TMEM178A: variants seen among roughly 807,000 people sequenced by gnomAD.
TMEM178A encodes the protein transmembrane protein 178.
Under a neutral mutation model 29.1 loss-of-function variants are expected in TMEM178A, and 12 were observed. The ratio of observed to expected loss-of-function variants is 0.41; its 90% CI spans 0.26 to 0.67. The LOEUF (loss-of-function observed/expected upper bound fraction) is 0.67. TMEM178A is among the 30% of genes least tolerant of loss of function. The pLI, the probability that TMEM178A is intolerant of heterozygous loss-of-function variation, is 0.29. For synonymous variants in TMEM178A, 210 were observed against 187.2 expected (o/e 1.12, Z -0.99); for missense variants, 366 against 419.1 (o/e 0.87, Z 1.11).
Position 39,717,311 on chromosome 2 carries a change from C to T in TMEM178A, c.*60C>T. On this transcript the variant is annotated 3_prime_UTR_variant, in exon 4 of 4. Coordinates refer to ENST00000281961, the MANE Select transcript of TMEM178A (RefSeq NM_152390.3). ...CTCCTGAGGGGAACAGCGCGGAGTTCAGGAGTCCAAGCACAAAGCGGTCTT... is the reference window on the plus strand; with the variant it reads ...CTCCTGAGGGGAACAGCGCGGAGTTTAGGAGTCCAAGCACAAAGCGGTCTT... 6.4e-7 allele frequency: 1 copy of T among 1,557,912 alleles called. No individual in the cohort carries two copies. The highest frequency in any genetic ancestry group is 2.3e-5 in the East Asian group (1 of 44,162).
rs558169343 is a variant in TMEM178A, at chr2:39,669,272, G to A, written c.400+2898G>A. Among the ~76,000 whole-genome samples, 77 of 152,268 alleles carry A rather than the reference G, an allele frequency of 5.1e-4. 1 individual carries two copies. Among genetic ancestry groups the A allele is most frequent in the Middle Eastern group, 6.8e-3 (2 of 294 alleles). On this transcript the variant is annotated intron_variant, in intron 1 of 3. Coordinates refer to ENST00000281961, the MANE Select transcript of TMEM178A (RefSeq NM_152390.3). ...CTAGGAGTTGAATGAGGAGTGCAGG[G>A]AAGAAAATGTAGAGTTGATAATATG...
Position 39,709,206 on chromosome 2 carries a change from C to T in TMEM178A, c.652+2020C>T, listed in dbSNP as rs184262171. Among the ~76,000 whole-genome samples the T allele has an allele frequency of 1.2e-4, 19 of 152,320 alleles. No individual in the cohort carries two copies. In the East Asian group the frequency reaches 1.5e-3, roughly 12 times the overall value. The stretch of plus-strand genomic sequence containing the variant: ...GTACTTTGCCCTCTGGCATGTTCAA[C>T]CACCCTGCAGCCTTAAGGAACCCAC... On this transcript the variant is annotated intron_variant, in intron 3 of 3. Transcript: ENST00000281961.
intron 1 of TMEM178A, among the ~76,000 whole-genome samples, chr2:39,670,759 T>C (rs1215289786): frequency 6.6e-6 from 1 of 152,226 alleles, no homozygotes; most frequent in Non-Finnish European, 1.5e-5. Flanking sequence ...TGTAGAACTT[T>C]GGAGAAATCA....
At chr2:39,721,881 C>G (rs1672712097), downstream of TMEM178A, among the ~76,000 whole-genome samples, 1 of 148,178 alleles carries the variant, frequency 6.7e-6, no homozygotes, top group Non-Finnish European at 1.5e-5. Flanking sequence ...GGCTTAGCTA[C>G]TCGGCAGGCT....
intron 2 of TMEM178A, among the ~76,000 whole-genome samples, chr2:39,705,640 C>G (rs1422020930): frequency 6.6e-6 from 1 of 152,170 alleles, no homozygotes; most frequent in Non-Finnish European, 1.5e-5. Context: ...AGAAATCCCT[C>G]TTTAAAAAAG....
At chr2:39,735,742 G>A in the TMEM178A span, among the ~76,000 whole-genome samples, 7 of 152,356 alleles carry the variant, frequency 4.6e-5, no homozygotes, top group South Asian at 1.4e-3. Context: ...TTCCTAGGAA[G>A]GCCAGAGAGA....
the TMEM178A span, among the ~76,000 whole-genome samples, chr2:39,730,417 G>A: frequency 3.9e-5 from 6 of 152,212 alleles, no homozygotes; most frequent in Non-Finnish European, 8.8e-5. Flanking sequence ...CATATCATGT[G>A]TCCCCAAGAT....
intron 1 of TMEM178A, among the ~76,000 whole-genome samples, chr2:39,691,527 A>G (rs1452858145): frequency 2.0e-5 from 3 of 152,254 alleles, no homozygotes; most frequent in Non-Finnish European, 2.9e-5. Flanking sequence ...ACCGTGGTAC[A>G]CTGCTAGTGG....
the TMEM178A span, among the ~76,000 whole-genome samples, chr2:39,725,507 A>G: frequency 1.3e-5 from 2 of 152,034 alleles, no homozygotes; most frequent in Non-Finnish European, 2.9e-5. Context: ...CCTTTTGACA[A>G]TGGAATGCAT....
At chr2:39,733,911 C>A in the TMEM178A span, among the ~76,000 whole-genome samples, 2 of 152,106 alleles carry the variant, frequency 1.3e-5, no homozygotes, top group African/African-American at 4.8e-5. Flanking sequence ...TGCATTTTAT[C>A]CCCTTATTCA....
At chr2:39,665,530 T>A (rs1366792562), upstream of TMEM178A, 1 of 155,682 alleles carries the variant, frequency 6.4e-6, no homozygotes, top group Non-Finnish European at 1.4e-5. Context: ...TGGAGAAAAG[T>A]CGGGGGAAAG....
At chr2:39,680,770 C>A (rs1670834714) in intron 1 of TMEM178A, among the ~76,000 whole-genome samples, 1 of 151,924 alleles carries the variant, frequency 6.6e-6, no homozygotes, top group South Asian at 2.1e-4. Context: ...TTTGTTTCAA[C>A]AGGAAAAACA....
At chr2:39,683,416 C>G (rs923357251) in intron 1 of TMEM178A, among the ~76,000 whole-genome samples, 1 of 152,192 alleles carries the variant, frequency 6.6e-6, no homozygotes, top group Non-Finnish European at 1.5e-5. Flanking sequence ...ACATGGGGCT[C>G]TCCTTTGCTG....
At chr2:39,725,174 T>C in the TMEM178A span, among the ~76,000 whole-genome samples, 1 of 152,114 alleles carries the variant, frequency 6.6e-6, no homozygotes, top group Non-Finnish European at 1.5e-5. Flanking sequence ...GGGACAGCCA[T>C]GTAGAGCCAT....
At chr2:39,727,552 C>T in the TMEM178A span, among the ~76,000 whole-genome samples, 1 of 152,118 alleles carries the variant, frequency 6.6e-6, no homozygotes, top group Non-Finnish European at 1.5e-5. Context: ...TATTTTGAAT[C>T]CCTGAGACTT....
intron 1 of TMEM178A, among the ~76,000 whole-genome samples, chr2:39,698,965 T>C (rs1671668910): frequency 6.6e-6 from 1 of 152,170 alleles, no homozygotes; most frequent in South Asian, 2.1e-4. Context: ...TTTCACTGTG[T>C]TCTCTTAAGC....
At chr2:39,726,500 C>T in the TMEM178A span, among the ~76,000 whole-genome samples, 14 of 152,118 alleles carry the variant, frequency 9.2e-5, no homozygotes, top group South Asian at 2.1e-4. Flanking sequence ...CCCAAGACTT[C>T]GGGTTTCATT....
chr2:39,671,810 T>C (rs958337103), intron 1 of TMEM178A, among the ~76,000 whole-genome samples: 7 of 152,188 alleles, frequency 4.6e-5, no homozygotes, highest in African/African-American at 1.2e-4. Context: ...AGACTGCTTC[T>C]CTCACTGCTC....
chr2:39,687,601 C>G (rs932659189), intron 1 of TMEM178A, among the ~76,000 whole-genome samples: 4 of 152,152 alleles, frequency 2.6e-5, no homozygotes, highest in African/African-American at 9.7e-5. Flanking sequence ...GTCAGGTGTT[C>G]AGGCACCTGA....
Sources: gnomAD v4.1 joint callset for allele counts (sites outside exome capture counted in the v4.1 genomes callset) on GRCh38, gnomAD v4.1.1 for gene constraint, MANE v1.5 for transcripts, NCBI Gene and HGNC (gene_info 2026-07-23, HGNC 2026-07-21) for gene names.